PCDHGB5: variants seen among roughly 807,000 people sequenced by gnomAD.
The protein encoded by PCDHGB5 is protocadherin gamma-B5.
In PCDHGB5, 48 loss-of-function variants were observed where a neutral mutation model predicts 62.9. That is an observed-to-expected ratio of 0.76 (90% CI 0.61 to 0.97). The LOEUF is 0.97. PCDHGB5 is among the 50% of genes least tolerant of loss of function. The pLI is 0.00. For missense variants in PCDHGB5, 1,118 were observed against 1,198.6 expected (o/e 0.93, Z 0.99); for synonymous variants, 474 against 511.2 (o/e 0.93, Z 0.98).
intron 1 of PCDHGB5, chr5:141,413,232 G>A (rs374674787): frequency 1.1e-4 from 170 of 1,613,834 alleles, no homozygotes; most frequent in Non-Finnish European, 1.4e-4. Context: ...GGCTGGTCCT[G>A]CTCTGCCTTT....
intron 1 of PCDHGB5, chr5:141,418,778 T>C (rs1256260275): frequency 6.2e-7 from 1 of 1,613,744 alleles, no homozygotes; most frequent in Non-Finnish European, 8.5e-7. Context: ...TCAGCAGCCT[T>C]TGGATTTTGA....
intron 1 of PCDHGB5, chr5:141,484,949 A>G: frequency 1.8e-6 from 1 of 557,402 alleles, no homozygotes; most frequent in East Asian, 3.1e-5. Flanking sequence ...TGCTCAGCCT[A>G]TTGGCTGAGC....
intron 1 of PCDHGB5, chr5:141,415,663 T>C: frequency 6.3e-7 from 1 of 1,578,204 alleles, no homozygotes; most frequent in Non-Finnish European, 8.6e-7. Flanking sequence ...GATTGGTTTT[T>C]ACTTTGAAGT....
intron 1 of PCDHGB5, chr5:141,419,575 C>T (rs2096401495): frequency 6.2e-7 from 1 of 1,611,782 alleles, no homozygotes. Context: ...CCGACGGCTC[C>T]GCGCTCTTCG....
chr5:141,490,960 T>C lies in PCDHGB5; in HGVS notation c.2398-3847T>C. 1.9e-6 allele frequency: 3 copies of C among 1,613,794 alleles called. No homozygotes were observed. The highest frequency in any genetic ancestry group is 2.2e-5 in the South Asian group (2 of 91,030). On this transcript the variant is annotated intron_variant, in intron 1 of 3. Transcript: ENST00000617380. The surrounding 1 kb of genome is among the most constrained non-coding windows in gnomAD (Gnocchi z 5.4). ...GCACCCACGGCCAGACTGGGAACACTCAGCCCCCCAGCGTCTCCCTCGCTC... is the reference window on the plus strand; with the variant it reads ...GCACCCACGGCCAGACTGGGAACACCCAGCCCCCCAGCGTCTCCCTCGCTC...
In PCDHGB5 at chr5:141,438,621, TATATATATATATATACACAC is replaced by T. The variant is rs1185208192; in HGVS notation, c.2397+38099_2397+38118del. Among the ~76,000 whole-genome samples, 212 of 41,372 alleles carry T rather than the reference TATATATATATATATACACAC, an allele frequency of 5.1e-3. 1 individual carries two copies. The highest frequency in any genetic ancestry group is 0.03 in the African/African-American group (177 of 5,808). 27.1% of individuals were successfully genotyped at this position (41,372 alleles called of 152,430 possible). On this transcript the variant is annotated intron_variant, in intron 1 of 3. Transcript: ENST00000617380. ...ATATATATATATATATATATATATA[TATATATATATATATACACAC>T]ACACACACACATATATGTATATATA...
intron 1 of PCDHGB5, chr5:141,412,213 C>T (rs1467971455): frequency 6.6e-6 from 1 of 152,224 alleles, no homozygotes; most frequent in Non-Finnish European, 1.5e-5. Context: ...TTGACATAAA[C>T]ACTTACTTGT....
chr5:141,476,766 T>C lies in PCDHGB5; in HGVS notation c.2398-18041T>C. ...AGTCTCCAGTTAGTGCTGACGGCGT[T>C]GGACGGAGGGACCCCAGCTCTCTCC... On this transcript the variant is annotated intron_variant, in intron 1 of 3. Coordinates refer to ENST00000617380, the MANE Select transcript of PCDHGB5 (RefSeq NM_018925.3). This position sits in a 1 kb window ranked among gnomAD's most constrained non-coding sequence, Gnocchi z 7.6. The C allele has an allele frequency of 1.9e-6, 3 of 1,613,626 alleles. No individual in the cohort carries two copies. The highest frequency in any genetic ancestry group is 2.5e-6 in the Non-Finnish European group (3 of 1,179,952).
chr5:141,401,508 C>G (rs2094162050), intron 1 of PCDHGB5, among the ~76,000 whole-genome samples: 1 of 152,302 alleles, frequency 6.6e-6, no homozygotes, highest in East Asian at 1.9e-4. Flanking sequence ...TTTTCCACCT[C>G]TATATAATTA....
At chr5:141,417,452 C>A in intron 1 of PCDHGB5, 1 of 173,536 alleles carries the variant, frequency 5.8e-6, no homozygotes, top group Non-Finnish European at 1.2e-5. Flanking sequence ...ATAGTTATGA[C>A]CAAGTGGAAA....
At position 141,400,135 on chromosome 5, in the gene PCDHGB5, G is replaced by A. The variant is rs773410293; in HGVS notation, c.2008G>A (p.Asp670Asn). 6.2e-7 allele frequency: 1 copy of A among 1,614,074 alleles called. No homozygotes were observed. Among genetic ancestry groups the A allele is most frequent in the Non-Finnish European group, 8.5e-7 (1 of 1,179,904 alleles). Residue 670 changes from aspartate to asparagine, a missense_variant, in exon 1 of 4, where the codon GAT becomes AAT. Coordinates refer to ENST00000617380, the MANE Select transcript of PCDHGB5 (RefSeq NM_018925.3). ...TGACAGCTTGCAGGAGGTGCTGCCGGATATCACTGACCGCCCTGTACCCTC... is the reference window on the plus strand; with the variant it reads ...TGACAGCTTGCAGGAGGTGCTGCCGAATATCACTGACCGCCCTGTACCCTC... ...FADSLQEVLP[D>N]ITDRPVPSDP... is the part of the protein sequence containing the mutation.
At chr5:141,414,305 A>G (rs2095732833) in intron 1 of PCDHGB5, 2 of 1,613,604 alleles carry the variant, frequency 1.2e-6, no homozygotes, top group African/African-American at 2.7e-5. Flanking sequence ...AATGTGCATG[A>G]TTTAGACTCT....
At chr5:141,410,351 C>G in intron 1 of PCDHGB5, 1 of 1,614,066 alleles carries the variant, frequency 6.2e-7, no homozygotes. Flanking sequence ...GCGCCTGCGA[C>G]GCTCTCTCAG....
At position 141,486,616 on chromosome 5, in the gene PCDHGB5, C is replaced by T. The variant is rs759167270; in HGVS notation, c.2398-8191C>T. On this transcript the variant is annotated intron_variant, in intron 1 of 3. Coordinates refer to ENST00000617380, the MANE Select transcript of PCDHGB5 (RefSeq NM_018925.3). The surrounding 1 kb of genome is among the most constrained non-coding windows in gnomAD (Gnocchi z 5.0). ...TGCTTTGCTCCCTTGCAGCCTCTGA[C>T]CCAGACTCTGGCTTGAATGCGCTTA... is the stretch of plus-strand genomic sequence containing the variant. 2 of 1,613,500 alleles carry T rather than the reference C, an allele frequency of 1.2e-6. No individual in the cohort carries two copies. The highest frequency in any genetic ancestry group is 3.3e-5 in the Admixed American group (2 of 60,004).
At chr5:141,447,797 T>C (rs536848880) in intron 1 of PCDHGB5, among the ~76,000 whole-genome samples, 16 of 152,022 alleles carry the variant, frequency 1.1e-4, no homozygotes, top group Admixed American at 7.9e-4. Context: ...TTTAAGAAAA[T>C]AAAATTGGCT....
chr5:141,494,962 T>G (rs1644946600), intron 2 of PCDHGB5, 97 bp downstream of exon 2: 4 of 1,596,756 alleles, frequency 2.5e-6, no homozygotes, highest in Non-Finnish European at 3.4e-6. Context: ...TTGCTACAGA[T>G]GGCTTCTCCC....
At chr5:141,419,192 G>C (rs772847766) in intron 1 of PCDHGB5, 2 of 1,613,934 alleles carry the variant, frequency 1.2e-6, no homozygotes, top group Admixed American at 1.7e-5. Context: ...CATTACTGAC[G>C]TCAATGACAA....
Position 141,398,797 on chromosome 5 carries a change from G to A in PCDHGB5, c.670G>A (p.Gly224Ser), listed in dbSNP as rs1338071296. 2 of 1,613,898 alleles carry A rather than the reference G, an allele frequency of 1.2e-6. No homozygotes were observed. Among genetic ancestry groups the A allele is most frequent in the South Asian group, 1.1e-5 (1 of 91,070 alleles). ...ALDGGHPPLS[G>S]TTELRIQVTD... is the part of the protein sequence containing the mutation. The stretch of plus-strand genomic sequence containing the variant: ...GGACGGTGGACATCCACCCCTAAGC[G>A]GCACCACTGAGCTCCGGATCCAGGT... The change falls in exon 1 of 4, where the codon GGC (glycine) becomes AGC (serine). Residue 224 changes from glycine (G) to serine (S), a missense_variant. Physicochemically the swap from Gly to Ser is moderately conservative, Grantham distance 56 (BLOSUM62 0). Around this residue, in one of 2 missense-constraint regions of PCDHGB5, gnomAD observed 1,034 missense variants for 1,029.1 expected, o/e 1.00. Coordinates refer to ENST00000617380, the MANE Select transcript of PCDHGB5 (RefSeq NM_018925.3).
intron 2 of PCDHGB5, 179 bp downstream of exon 2, chr5:141,495,044 T>C (rs2099758475): frequency 1.1e-6 from 1 of 944,572 alleles, no homozygotes; most frequent in Non-Finnish European, 1.3e-6. Flanking sequence ...AAGAGGCGAC[T>C]GCCCTGACTG....
Sources: allele counts gnomAD v4.1 joint callset (sites outside exome capture counted in the v4.1 genomes callset), GRCh38; gene constraint gnomAD v4.1.1; regional missense constraint gnomAD v4.1.1; non-coding constraint Gnocchi (gnomAD v3.1); transcripts MANE v1.5; gene names NCBI Gene and HGNC (gene_info 2026-07-23, HGNC 2026-07-21).